PRKCE: variants seen among roughly 807,000 people sequenced by gnomAD.
PRKCE encodes the protein protein kinase C epsilon type.
In PRKCE, 16 loss-of-function variants were observed where a neutral mutation model predicts 85.4. The observed-to-expected ratio is 0.19, with a 90% CI of 0.13 to 0.28. PRKCE has a LOEUF of 0.28. Ranked by LOEUF, PRKCE falls within the 10% of genes least tolerant of loss-of-function variation. The pLI is 1.00. For missense variants in PRKCE, 573 were observed against 975.2 expected (o/e 0.59, Z 5.49); for synonymous variants, 388 against 371.5 (o/e 1.04, Z -0.51).
intron 6 of PRKCE, among the ~76,000 whole-genome samples, chr2:45,990,047 A>G (rs963150447): frequency 6.6e-6 from 1 of 152,218 alleles, no homozygotes; most frequent in African/African-American, 2.4e-5. Flanking sequence ...AAATGACCCC[A>G]GGACATAGTG....
At chr2:45,949,068 T>G (rs1010278712) in intron 2 of PRKCE, among the ~76,000 whole-genome samples, 1 of 152,260 alleles carries the variant, frequency 6.6e-6, no homozygotes, top group African/African-American at 2.4e-5. Flanking sequence ...GTGAACATCG[T>G]TGCATGTGTC....
At chr2:46,023,449 G>C (rs926518065) in intron 10 of PRKCE, among the ~76,000 whole-genome samples, 1 of 152,250 alleles carries the variant, frequency 6.6e-6, no homozygotes, top group African/African-American at 2.4e-5. Context: ...ATGCCAGCTA[G>C]AAGATGAATG....
At chr2:45,701,626 A>G (rs1015149407) in intron 1 of PRKCE, 2 of 152,232 alleles carry the variant, frequency 1.3e-5, no homozygotes, top group Non-Finnish European at 2.9e-5. Flanking sequence ...CCTGAAGTAC[A>G]GAGGAGGGCA....
chr2:46,170,376 AAT>A (rs1678772619), intron 14 of PRKCE, among the ~76,000 whole-genome samples: 1 of 152,214 alleles, frequency 6.6e-6, no homozygotes, highest in Non-Finnish European at 1.5e-5. Flanking sequence ...TTAGTACGGA[AAT>A]TTCCAAACAT....
At chr2:45,940,620 ACT>A (rs1192282082) in intron 2 of PRKCE, among the ~76,000 whole-genome samples, 3 of 151,958 alleles carry the variant, frequency 2.0e-5, no homozygotes, top group African/African-American at 4.8e-5. Context: ...CCACACATAC[ACT>A]CTGTTCACAC....
intron 2 of PRKCE, among the ~76,000 whole-genome samples, chr2:45,938,934 G>A (rs542110612): frequency 4.6e-5 from 7 of 152,216 alleles, no homozygotes; most frequent in South Asian, 2.1e-4. Context: ...CACATTCAGC[G>A]CTCTGCCCTC....
intron 10 of PRKCE, among the ~76,000 whole-genome samples, chr2:46,030,493 C>T (rs567964531): frequency 2.9e-4 from 44 of 152,232 alleles, no homozygotes; most frequent in African/African-American, 9.6e-4. Flanking sequence ...AAGACAAAAT[C>T]ATGAAAATCA....
chr2:46,127,587 C>T (rs572308341), intron 11 of PRKCE, among the ~76,000 whole-genome samples: 62 of 152,242 alleles, frequency 4.1e-4, no homozygotes, highest in East Asian at 2.1e-3. Flanking sequence ...TTGTGGGGAA[C>T]GTATGATGGC....
intron 2 of PRKCE, among the ~76,000 whole-genome samples, chr2:45,904,052 C>T (rs1334082879): frequency 2.0e-5 from 3 of 151,950 alleles, no homozygotes; most frequent in African/African-American, 7.3e-5. Context: ...TACAGGCACG[C>T]ACTACCACAC....
intron 11 of PRKCE, among the ~76,000 whole-genome samples, chr2:46,118,940 G>C (rs1042019056): frequency 6.6e-6 from 1 of 152,212 alleles, no homozygotes; most frequent in Non-Finnish European, 1.5e-5. Flanking sequence ...TGGAGCAAAA[G>C]TTCCATCTTA....
chr2:45,952,610 A>C (rs933685097), intron 2 of PRKCE, among the ~76,000 whole-genome samples: 1 of 152,248 alleles, frequency 6.6e-6, no homozygotes, highest in African/African-American at 2.4e-5. Flanking sequence ...CAGTTGAATT[A>C]AGATGTAATT....
chr2:45,675,979 G>A (rs1168322846), intron 1 of PRKCE: 4 of 152,128 alleles, frequency 2.6e-5, no homozygotes, highest in Non-Finnish European at 4.4e-5. Flanking sequence ...AAGCAGCACC[G>A]GTACCTGGCA....
chr2:45,759,038 T>C (rs923989751), intron 1 of PRKCE, among the ~76,000 whole-genome samples: 3 of 152,164 alleles, frequency 2.0e-5, no homozygotes, highest in Admixed American at 6.5e-5. Context: ...CACAGGGTGA[T>C]TGAATTTACA....
intron 6 of PRKCE, among the ~76,000 whole-genome samples, chr2:45,993,707 A>G (rs1301831095): frequency 2.6e-5 from 4 of 152,084 alleles, no homozygotes; most frequent in South Asian, 4.2e-4. Context: ...GACAGCTTTC[A>G]TGGGTTTGGT....
intron 11 of PRKCE, among the ~76,000 whole-genome samples, chr2:46,107,607 G>C (rs7597838): frequency 6.6e-6 from 1 of 152,008 alleles, no homozygotes; most frequent in South Asian, 2.1e-4. Flanking sequence ...ATGGAAGACT[G>C]TGCTTAGCTT....
chr2:45,740,529 C>G (rs1374751766), intron 1 of PRKCE, among the ~76,000 whole-genome samples: 1 of 152,164 alleles, frequency 6.6e-6, no homozygotes, highest in Non-Finnish European at 1.5e-5. Flanking sequence ...TTAGGCCCCA[C>G]TTGGACGCAC....
rs143222229 is a variant in PRKCE, at chr2:46,098,423, T to A, written c.1592+12061T>A. 5.5e-3 allele frequency among the ~76,000 whole-genome samples: 844 copies of A among 152,342 alleles called. 9 individuals are homozygous for A. The highest frequency in any genetic ancestry group is 0.019 in the African/African-American group (801 of 41,576). On this transcript the variant is annotated intron_variant, in intron 11 of 14. Transcript: ENST00000306156. Reference sequence around the variant, plus strand: ...GTACAGAGTAATTGCTCACTAAACATTAATTAATGTTATTATTATCATTGT... The same window carrying A: ...GTACAGAGTAATTGCTCACTAAACAATAATTAATGTTATTATTATCATTGT...
At chr2:45,703,210 T>C (rs1678821151) in intron 1 of PRKCE, among the ~76,000 whole-genome samples, 1 of 152,018 alleles carries the variant, frequency 6.6e-6, no homozygotes, top group South Asian at 2.1e-4. Context: ...TTTCCTCCTA[T>C]ATTTTATTCT....
intron 11 of PRKCE, among the ~76,000 whole-genome samples, chr2:46,116,500 A>G (rs867172517): frequency 1.3e-5 from 2 of 152,380 alleles, no homozygotes; most frequent in Middle Eastern, 3.4e-3. Context: ...CACTGTTGAC[A>G]CTTTGAATCA....
Sources: allele counts gnomAD v4.1 joint callset (sites outside exome capture counted in the v4.1 genomes callset), GRCh38; gene constraint gnomAD v4.1.1; transcripts MANE v1.5; gene names NCBI Gene and HGNC (gene_info 2026-07-23, HGNC 2026-07-21).